Variants in HNRNPA1L2 observed in about 807,000 individuals in gnomAD.
HNRNPA1L2 encodes heterogeneous nuclear ribonucleoprotein A1 like 2, also known as heterogeneous nuclear ribonucleoprotein A1-like 2.
A neutral mutation model predicts 18.2 loss-of-function variants in HNRNPA1L2; 10 were observed. The ratio of observed to expected loss-of-function variants is 0.55; its 90% CI spans 0.34 to 0.93. The LOEUF is 0.93. Among genes scored for constraint, HNRNPA1L2 ranks in the 40% least tolerant of loss-of-function variants. The pLI is 0.02. For synonymous variants in HNRNPA1L2, 124 were observed against 138.6 expected (o/e 0.89, Z 0.74); for missense variants, 308 against 394.4 (o/e 0.78, Z 1.85).
At chr13:52,620,723 T>C in the HNRNPA1L2 span, among the ~76,000 whole-genome samples, 1 of 152,036 alleles carries the variant, frequency 6.6e-6, no homozygotes, top group Non-Finnish European at 1.5e-5. Context: ...GGAGTTCCTG[T>C]GCAACATGGG....
the HNRNPA1L2 span, among the ~76,000 whole-genome samples, chr13:52,619,743 A>C: frequency 6.6e-6 from 1 of 151,928 alleles, no homozygotes; most frequent in Non-Finnish European, 1.5e-5. Context: ...AACATGGTGA[A>C]ACCCCGTCTC....
the HNRNPA1L2 span, among the ~76,000 whole-genome samples, chr13:52,624,165 A>G: frequency 6.6e-6 from 1 of 152,144 alleles, no homozygotes; most frequent in African/African-American, 2.4e-5. Context: ...CCCAGGCTGG[A>G]GTGCAGTGGC....
At chr13:52,626,521 G>A in the HNRNPA1L2 span, among the ~76,000 whole-genome samples, 39 of 151,570 alleles carry the variant, frequency 2.6e-4, no homozygotes, top group South Asian at 1.0e-3. Flanking sequence ...ATTTATTTAG[G>A]AAGCTTTTAA....
the HNRNPA1L2 span, among the ~76,000 whole-genome samples, chr13:52,627,884 A>G: frequency 6.6e-6 from 1 of 152,186 alleles, no homozygotes; most frequent in South Asian, 2.1e-4. Context: ...AGCTTTTCTG[A>G]GAAAAGTAAT....
chr13:52,641,284 T>C (rs1356862984), upstream of HNRNPA1L2: 2 of 152,250 alleles, frequency 1.3e-5, no homozygotes, highest in Non-Finnish European at 2.9e-5. Flanking sequence ...TAACCCTCTG[T>C]AGTATTGCAT....
upstream of HNRNPA1L2, among the ~76,000 whole-genome samples, chr13:52,638,666 A>G (rs902319129): frequency 6.6e-6 from 1 of 152,224 alleles, no homozygotes; most frequent in Admixed American, 6.5e-5. Flanking sequence ...TTATACATGT[A>G]TGCAAATTGC....
chr13:52,638,693 A>G (rs1961543040), upstream of HNRNPA1L2, among the ~76,000 whole-genome samples: 1 of 152,216 alleles, frequency 6.6e-6, no homozygotes, highest in African/African-American at 2.4e-5. Flanking sequence ...AATTGGGAAG[A>G]TTTCATTCTA....
At chr13:52,636,912 A>G in the HNRNPA1L2 span, among the ~76,000 whole-genome samples, 1 of 151,988 alleles carries the variant, frequency 6.6e-6, no homozygotes, top group Admixed American at 6.6e-5. Flanking sequence ...GCTTACTGTA[A>G]CCTCCGCCTC....
the HNRNPA1L2 span, among the ~76,000 whole-genome samples, chr13:52,636,588 T>C: frequency 6.6e-6 from 1 of 152,224 alleles, no homozygotes; most frequent in Non-Finnish European, 1.5e-5. Flanking sequence ...TTTATTGTTA[T>C]TCTGTTGATC....
chr13:52,617,536 T>C, the HNRNPA1L2 span: 1 of 418,682 alleles, frequency 2.4e-6, no homozygotes, highest in Non-Finnish European at 4.4e-6. Flanking sequence ...GTTGCTCTCC[T>C]GGATGGCTTT....
At chr13:52,634,877 T>C in the HNRNPA1L2 span, among the ~76,000 whole-genome samples, 5 of 152,158 alleles carry the variant, frequency 3.3e-5, no homozygotes, top group African/African-American at 9.7e-5. Context: ...ATCTGAAGGA[T>C]CAAATGAGGT....
chr13:52,627,733 A>T, the HNRNPA1L2 span, among the ~76,000 whole-genome samples: 3 of 152,214 alleles, frequency 2.0e-5, no homozygotes, highest in Non-Finnish European at 2.9e-5. Flanking sequence ...TCAAGTTTTT[A>T]AAAAACTTAT....
chr13:52,624,677 A>G, the HNRNPA1L2 span, among the ~76,000 whole-genome samples: 21 of 152,208 alleles, frequency 1.4e-4, no homozygotes, highest in African/African-American at 4.8e-4. Flanking sequence ...CAGTATAACA[A>G]CTACTTATGT....
the HNRNPA1L2 span, among the ~76,000 whole-genome samples, chr13:52,633,628 A>G: frequency 1.3e-5 from 2 of 152,204 alleles, 1 homozygote; most frequent in South Asian, 4.1e-4. Flanking sequence ...CCTGGGCAAC[A>G]TAGTGAGATC....
At chr13:52,629,100 TC>T in the HNRNPA1L2 span, 1 of 152,426 alleles carries the variant, frequency 6.6e-6, no homozygotes, top group Non-Finnish European at 1.5e-5. Context: ...GGTCTTGAAC[TC>T]CTGACCTCAG....
At chr13:52,625,075 A>G in the HNRNPA1L2 span, among the ~76,000 whole-genome samples, 1 of 152,110 alleles carries the variant, frequency 6.6e-6, no homozygotes, top group Non-Finnish European at 1.5e-5. Flanking sequence ...TGTATTCATG[A>G]AATAGTTTTA....
the HNRNPA1L2 span, among the ~76,000 whole-genome samples, chr13:52,618,679 A>G: frequency 6.6e-6 from 1 of 152,228 alleles, no homozygotes; most frequent in Non-Finnish European, 1.5e-5. Context: ...TTTGGAAAAC[A>G]GAAAAAATCT....
the HNRNPA1L2 span, among the ~76,000 whole-genome samples, chr13:52,632,960 C>A: frequency 1.3e-5 from 2 of 152,136 alleles, no homozygotes; most frequent in Non-Finnish European, 2.9e-5. Context: ...AGGGTTCAAC[C>A]AACACACATA....
chr13:52,639,581 GCT>G (rs1247209089), upstream of HNRNPA1L2, among the ~76,000 whole-genome samples: 3 of 151,636 alleles, frequency 2.0e-5, no homozygotes, highest in Non-Finnish European at 4.4e-5. Context: ...AAAGAGAAGT[GCT>G]CTGAGTGTGT....
Sources: allele counts gnomAD v4.1 joint callset (sites outside exome capture counted in the v4.1 genomes callset), GRCh38; gene constraint gnomAD v4.1.1; transcripts MANE v1.5; gene names NCBI Gene and HGNC (gene_info 2026-07-23, HGNC 2026-07-21).